MEGF10: variants seen among roughly 807,000 people sequenced by gnomAD.
MEGF10 encodes multiple EGF like domains 10.
MEGF10 carries 86 observed loss-of-function variants against 147.5 expected under a neutral mutation model. The observed-to-expected ratio is 0.58, with a 90% confidence interval of 0.49 to 0.70. The LOEUF (loss-of-function observed/expected upper bound fraction) is 0.70. MEGF10 is among the 30% of genes least tolerant of loss of function. The probability of loss-of-function intolerance (pLI) is 0.00; values close to 1 mark genes in which losing one functional copy is unlikely to be tolerated. For synonymous variants in MEGF10, 478 were observed against 525.5 expected, an observed-to-expected ratio of 0.91 and a Z score of 1.24; for missense variants, 1,329 against 1,487.3, an observed-to-expected ratio of 0.89 and a Z score of 1.75.
intron 1 of MEGF10, among the ~76,000 whole-genome samples, chr5:127,320,572 A>G (rs1760749848): frequency 6.6e-6 from 1 of 152,208 alleles, no homozygotes; most frequent in Non-Finnish European, 1.5e-5. Context: ...GTGGCTTTGT[A>G]TATTTGCATA....
At chr5:127,419,427 G>T (rs1428663040) in intron 11 of MEGF10, among the ~76,000 whole-genome samples, 187 bp downstream of exon 11, 2 of 152,166 alleles carry the variant, frequency 1.3e-5, no homozygotes, top group Non-Finnish European at 1.5e-5. Flanking sequence ...GCTCACATTA[G>T]ATGATCTCTG....
chr5:127,340,663 T>C (rs1407377956), intron 4 of MEGF10, 33 bp downstream of exon 4: 5 of 1,578,824 alleles, frequency 3.2e-6, no homozygotes, highest in Middle Eastern at 1.7e-4. Flanking sequence ...TGAGATTCGC[T>C]AGTTTTTCCC....
intron 15 of MEGF10, 56 bp downstream of exon 15, chr5:127,434,877 C>A: frequency 6.4e-7 from 1 of 1,573,114 alleles, no homozygotes; most frequent in South Asian, 1.2e-5. Flanking sequence ...CCCGGAGAGT[C>A]TGTCCTCAGG....
the MEGF10 span, among the ~76,000 whole-genome samples, chr5:127,238,048 T>C: frequency 2.7e-5 from 1 of 36,598 alleles, no homozygotes; most frequent in Non-Finnish European, 5.9e-5. Context: ...TATATATATA[T>C]ATATATATAT....
At chr5:127,429,089 C>T (rs546845891) in intron 13 of MEGF10, among the ~76,000 whole-genome samples, 1 of 152,334 alleles carries the variant, frequency 6.6e-6, no homozygotes, top group East Asian at 1.9e-4. Context: ...TCCCATTGAA[C>T]CAGAGATGGC....
In MEGF10 at chr5:127,419,144, C is replaced by A. The variant is rs1324758087; in HGVS notation, c.1330C>A (p.Pro444Thr). ...GGGAATTGACTGCTCTACCCCATGC[C>A]CTCTGGGAACCTATGGGATAAACTG... ...FKGIDCSTPC[P>T]LGTYGINCSS... Residue 444 changes from proline (P) to threonine (T), a missense_variant, in exon 11 of 25, where the codon CCT (proline) becomes ACT (threonine). Coordinates refer to ENST00000503335, the MANE Select transcript of MEGF10 (RefSeq NM_001256545.2). 6.2e-7 allele frequency: 1 copy of A among 1,613,944 alleles called. No homozygotes were observed.
the MEGF10 span, among the ~76,000 whole-genome samples, chr5:127,233,978 G>A: frequency 3.1e-4 from 47 of 152,244 alleles, no homozygotes; most frequent in Admixed American, 1.6e-3. Context: ...GGCCTTCTGC[G>A]TAGGGAGAAA....
intron 4 of MEGF10, among the ~76,000 whole-genome samples, chr5:127,341,993 T>C (rs1291138915): frequency 6.6e-6 from 1 of 152,220 alleles, no homozygotes; most frequent in Admixed American, 6.5e-5. Context: ...AGACTTTCGA[T>C]GTATTTCTAA....
chr5:127,402,739 G>A (rs976037471), intron 8 of MEGF10, 57 bp downstream of exon 8: 4 of 1,595,470 alleles, frequency 2.5e-6, no homozygotes, highest in South Asian at 2.3e-5. Context: ...AGGAAAGTTT[G>A]TAGGGTCCGG....
rs773390536 is a variant in MEGF10, at chr5:127,454,569, C to A, written c.2984C>A (p.Ala995Asp). The part of the protein sequence containing the change: ...KHGGYLNELG[A>D]FGLDRSYMGK... ...TTTTTTTCTTCCTTTATTACAGGTG[C>A]TTTTGGACTTGACAGAAGCTATATG... The change falls in exon 23 of 25, where the codon GCT becomes GAT. Residue 995 changes from alanine (A) to aspartate (D), a missense_variant. Coordinates refer to ENST00000503335, the MANE Select transcript of MEGF10 (RefSeq NM_001256545.2). 2 of 1,608,086 alleles carry A rather than the reference C, an allele frequency of 1.2e-6. No homozygotes were observed. Among genetic ancestry groups the A allele is most frequent in the East Asian group, 4.5e-5 (2 of 44,730 alleles).
chr5:127,341,872 G>A (rs896823990), intron 4 of MEGF10, among the ~76,000 whole-genome samples: 5 of 151,914 alleles, frequency 3.3e-5, no homozygotes, highest in Admixed American at 6.6e-5. Context: ...TTTACCTATC[G>A]TAAACTACTC....
intron 4 of MEGF10, among the ~76,000 whole-genome samples, chr5:127,358,752 C>T (rs572492186): frequency 3.5e-4 from 54 of 152,216 alleles, no homozygotes; most frequent in Admixed American, 1.3e-3. Flanking sequence ...ATCATCAGAC[C>T]TGTTGTAGGT....
At chr5:127,394,890 T>A (rs995652829) in intron 5 of MEGF10, among the ~76,000 whole-genome samples, 3 of 152,212 alleles carry the variant, frequency 2.0e-5, no homozygotes, top group African/African-American at 7.2e-5. Flanking sequence ...ACCAAAGTCA[T>A]ACTGATTAAA....
intron 7 of MEGF10, 136 bp downstream of exon 7, chr5:127,398,932 T>A: frequency 8.3e-7 from 1 of 1,211,886 alleles, no homozygotes; most frequent in Non-Finnish European, 1.2e-6. Flanking sequence ...TTGGAAAGAC[T>A]CAAGCCATTT....
chr5:127,311,961 C>T (rs1329777762), intron 1 of MEGF10, among the ~76,000 whole-genome samples: 2 of 152,282 alleles, frequency 1.3e-5, no homozygotes, highest in African/African-American at 4.8e-5. Flanking sequence ...GTTGCGTGCA[C>T]TTTAAAAAGT....
chr5:127,242,991 A>G, the MEGF10 span, among the ~76,000 whole-genome samples: 2 of 152,164 alleles, frequency 1.3e-5, no homozygotes, highest in African/African-American at 2.4e-5. Flanking sequence ...TAGGTATTAT[A>G]ATAAAAATTT....
intron 5 of MEGF10, among the ~76,000 whole-genome samples, chr5:127,392,125 T>G (rs889144704): frequency 1.3e-5 from 2 of 152,242 alleles, no homozygotes; most frequent in African/African-American, 4.8e-5. Flanking sequence ...CAGAGTTTCC[T>G]GAGCTGCATT....
At chr5:127,306,064 A>G (rs991350442) in intron 1 of MEGF10, among the ~76,000 whole-genome samples, 7 of 152,216 alleles carry the variant, frequency 4.6e-5, no homozygotes, top group African/African-American at 1.7e-4. Context: ...CTCTTCACCC[A>G]AGGAAGGTTT....
chr5:127,450,043 A>G (rs1219933812), intron 22 of MEGF10, among the ~76,000 whole-genome samples: 1 of 152,238 alleles, frequency 6.6e-6, no homozygotes, highest in Non-Finnish European at 1.5e-5. Context: ...GCTATTTTAC[A>G]TTTTTATAAA....
Sources: gnomAD v4.1 joint callset for allele counts (sites outside exome capture counted in the v4.1 genomes callset) on GRCh38, gnomAD v4.1.1 for gene constraint, MANE v1.5 for transcripts, NCBI Gene and HGNC (gene_info 2026-07-23, HGNC 2026-07-21) for gene names.